GPRIN3: variants seen among roughly 807,000 people sequenced by gnomAD.
GPRIN3 encodes G protein-regulated inducer of neurite outgrowth 3.
A neutral mutation model predicts 13.7 loss-of-function variants in GPRIN3; 12 were observed. The observed-to-expected ratio is 0.87, with a 90% CI of 0.56 to 1.42. The LOEUF (loss-of-function observed/expected upper bound fraction) is 1.42, where lower values mean the gene tolerates loss of function less well. GPRIN3 is among the 40% of genes most tolerant of loss of function. The pLI is 0.00. For missense variants in GPRIN3, 1,009 were observed against 958.7 expected (o/e 1.05, Z -0.69); for synonymous variants, 377 against 372.7 (o/e 1.01, Z -0.13).
intron 1 of GPRIN3, among the ~76,000 whole-genome samples, chr4:89,262,373 A>C (rs1723654910): frequency 6.6e-6 from 1 of 152,182 alleles, no homozygotes; most frequent in Admixed American, 6.5e-5. Context: ...CTTGGGGGAC[A>C]GAATGGATGG....
rs192265028 is a variant in GPRIN3 at position 89,241,742 on chromosome 4, A to G, written c.*6038T>C. On this transcript the variant is annotated 3_prime_UTR_variant, in exon 2 of 2. Transcript: ENST00000609438. ...TACGTAAAGATGTGATCTAAAATAA[A>G]TGTTAAGGAATCTCAACTAAAATCA... 2 of 152,318 alleles carry G rather than the reference A, an allele frequency of 1.3e-5. No individual in the cohort carries two copies. The highest frequency in any genetic ancestry group is 6.5e-5 in the Admixed American group (1 of 15,304). 9.4% of individuals were successfully genotyped at this position (152,318 alleles called of 1,614,324 possible). A position where few individuals can be genotyped will look rare whatever the true frequency, so the allele number is the denominator to read the frequency against.
intron 1 of GPRIN3, among the ~76,000 whole-genome samples, chr4:89,281,383 A>G (rs779351342): frequency 1.3e-5 from 2 of 152,138 alleles, no homozygotes; most frequent in African/African-American, 4.8e-5. Flanking sequence ...CGGCTCCCCA[A>G]AGTGCTGGGA....
chr4:89,307,407 G>A (rs1725063653), intron 1 of GPRIN3, among the ~76,000 whole-genome samples: 2 of 152,082 alleles, frequency 1.3e-5, no homozygotes, highest in African/African-American at 4.8e-5. Flanking sequence ...GAGCCAAAGA[G>A]AGCAATGACC....
intron 1 of GPRIN3, among the ~76,000 whole-genome samples, chr4:89,296,666 T>C (rs962159782): frequency 2.6e-5 from 4 of 152,108 alleles, no homozygotes; most frequent in Admixed American, 1.3e-4. Flanking sequence ...TGTGTGTGTG[T>C]GCATATGTAT....
At position 89,247,109 on chromosome 4, in the gene GPRIN3, T is replaced by C. The variant is rs936843155; in HGVS notation, c.*671A>G. 1 of 152,238 alleles carries C rather than the reference T, an allele frequency of 6.6e-6. No individual in the cohort carries two copies. The highest frequency in any genetic ancestry group is 1.5e-5 in the Non-Finnish European group (1 of 68,048). The allele number at this position is 152,238 out of a possible 1,614,324, so 9.4% of individuals were successfully genotyped here. On this transcript the variant is annotated 3_prime_UTR_variant, in exon 2 of 2. Transcript: ENST00000609438. ...TTTTCATAGTCAAAAGCTTAGCTAA[T>C]GTTCCTAATATAACTTTCTTATATT...
At chr4:89,307,045 T>C (rs1268946095) in intron 1 of GPRIN3, among the ~76,000 whole-genome samples, 1 of 152,154 alleles carries the variant, frequency 6.6e-6, no homozygotes, top group Non-Finnish European at 1.5e-5. Flanking sequence ...TGATTTAATG[T>C]GGTTCCAAAG....
At chr4:89,296,635 G>A (rs1724745546) in intron 1 of GPRIN3, among the ~76,000 whole-genome samples, 1 of 68,592 alleles carries the variant, frequency 1.5e-5, no homozygotes, top group South Asian at 6.0e-4. Flanking sequence ...AAAGACACAT[G>A]TTTGTTTTTT....
chr4:89,272,374 C>T (rs547112133), intron 1 of GPRIN3, among the ~76,000 whole-genome samples: 1 of 152,316 alleles, frequency 6.6e-6, no homozygotes, highest in African/African-American at 2.4e-5. Context: ...ATACCACATA[C>T]ATCTCTGCTG....
At chr4:89,252,202 G>A (rs1023672942) in intron 1 of GPRIN3, among the ~76,000 whole-genome samples, 4 of 151,996 alleles carry the variant, frequency 2.6e-5, no homozygotes, top group Admixed American at 2.0e-4. Flanking sequence ...TGAACTCCTG[G>A]ACTCAAGTGA....
intron 1 of GPRIN3, among the ~76,000 whole-genome samples, chr4:89,301,685 T>C (rs1724902115): frequency 6.6e-6 from 1 of 152,232 alleles, no homozygotes; most frequent in South Asian, 2.1e-4. Context: ...TTATTCTTCA[T>C]AAACCAGATC....
intron 1 of GPRIN3, among the ~76,000 whole-genome samples, chr4:89,291,830 C>CTTTTTTTT (rs33981386): frequency 1.7e-5 from 2 of 115,868 alleles, no homozygotes; most frequent in Non-Finnish European, 1.9e-5. Context: ...ACTGTCAGGG[C>CTTTTTTTT]TTTTTTTTTT....
intron 1 of GPRIN3, among the ~76,000 whole-genome samples, chr4:89,285,416 C>T (rs550397732): frequency 2.0e-5 from 3 of 152,190 alleles, no homozygotes; most frequent in East Asian, 1.9e-4. Flanking sequence ...ATAACTTTGT[C>T]TACCATGTGG....
At chr4:89,303,987 A>G (rs923440128) in intron 1 of GPRIN3, among the ~76,000 whole-genome samples, 4 of 152,158 alleles carry the variant, frequency 2.6e-5, no homozygotes, top group Admixed American at 6.5e-5. Context: ...ATTCTTAAAT[A>G]TAACTGCCAT....
At position 89,244,081 on chromosome 4, in the gene GPRIN3, T is replaced by C. The variant is rs893248075; in HGVS notation, c.*3699A>G. ...CATACTCTGTTCTTGGTATGCTATATATAGGGATTCTCAGAATGACAGGCA... is the reference window on the plus strand; with the variant it reads ...CATACTCTGTTCTTGGTATGCTATACATAGGGATTCTCAGAATGACAGGCA... On this transcript the variant is annotated 3_prime_UTR_variant, in exon 2 of 2. Coordinates refer to ENST00000609438, the MANE Select transcript of GPRIN3 (RefSeq NM_198281.3). 1 of 152,206 alleles carries C rather than the reference T, an allele frequency of 6.6e-6. No individual in the cohort carries two copies. Among genetic ancestry groups the C allele is most frequent in the Admixed American group, 6.5e-5 (1 of 15,272 alleles). The allele number at this position is 152,206 out of a possible 1,614,324, so 9.4% of individuals were successfully genotyped here.
chr4:89,268,293 G>C (rs189753280), intron 1 of GPRIN3, among the ~76,000 whole-genome samples: 24 of 152,330 alleles, frequency 1.6e-4, no homozygotes, highest in Middle Eastern at 6.8e-3. Context: ...AGAGAAAAGA[G>C]ATATGGAAAT....
At chr4:89,283,245 T>C (rs768450389) in intron 1 of GPRIN3, among the ~76,000 whole-genome samples, 2 of 152,190 alleles carry the variant, frequency 1.3e-5, no homozygotes, top group Non-Finnish European at 2.9e-5. Context: ...TTGTTTAACA[T>C]ACACAATGTG....
At position 89,247,645 on chromosome 4, in the gene GPRIN3, T is replaced by A; in HGVS notation, c.*135A>T. On this transcript the variant is annotated 3_prime_UTR_variant, in exon 2 of 2. Coordinates refer to ENST00000609438, the MANE Select transcript of GPRIN3 (RefSeq NM_198281.3). ...CTCCAGGTCAAAGGATCTAACAATT[T>A]TTAATAGCAATTTCCTATAGTGAAT... 2.5e-6 allele frequency: 2 copies of A among 813,546 alleles called. No individual in the cohort carries two copies. Among genetic ancestry groups the A allele is most frequent in the Non-Finnish European group, 3.7e-6 (2 of 535,404 alleles). 50.4% of individuals were successfully genotyped at this position (813,546 alleles called of 1,614,324 possible).
intron 1 of GPRIN3, among the ~76,000 whole-genome samples, chr4:89,270,575 A>ATATATATATAT (rs1249616623): frequency 3.0e-4 from 29 of 97,368 alleles, no homozygotes; most frequent in African/African-American, 1.4e-3. Context: ...TTATATATAT[A>ATATATATATAT]TATATATATA....
intron 1 of GPRIN3, among the ~76,000 whole-genome samples, chr4:89,271,951 T>C (rs555616990): frequency 6.6e-6 from 1 of 152,152 alleles, no homozygotes; most frequent in Non-Finnish European, 1.5e-5. Context: ...ATGAATGAGA[T>C]TATTGCTTTT....
Sources: gnomAD v4.1 joint callset for allele counts (sites outside exome capture counted in the v4.1 genomes callset) on GRCh38, gnomAD v4.1.1 for gene constraint, MANE v1.5 for transcripts, NCBI Gene and HGNC (gene_info 2026-07-23, HGNC 2026-07-21) for gene names.